The following BPTF variants were observed in gnomAD, a reference collection of about 807,000 sequenced individuals.
BPTF encodes the protein bromodomain PHD finger transcription factor, also known as nucleosome-remodeling factor subunit BPTF.
Under a neutral mutation model 292.5 loss-of-function variants are expected in BPTF, and 18 were observed. The observed-to-expected ratio is 0.06, with a 90% confidence interval of 0.04 to 0.09. The LOEUF is 0.09. BPTF is among the 10% of genes least tolerant of loss of function. The pLI is 1.00. For synonymous variants in BPTF, 1,225 were observed against 1,251.9 expected, an observed-to-expected ratio of 0.98 and a Z score of 0.45; for missense variants, 2,726 against 3,498.7, an observed-to-expected ratio of 0.78 and a Z score of 5.57.
chr17:67,978,633 G>T (rs1320408995), intron 27 of BPTF, among the ~76,000 whole-genome samples: 1 of 152,068 alleles, frequency 6.6e-6, no homozygotes, highest in Non-Finnish European at 1.5e-5. Flanking sequence ...AAAACAAGTG[G>T]TTCAGGAAAG....
intron 4 of BPTF, among the ~76,000 whole-genome samples, chr17:67,876,771 A>C (rs2145795907): frequency 6.6e-6 from 1 of 152,256 alleles, no homozygotes; most frequent in Non-Finnish European, 1.5e-5. Context: ...GTATCACTGC[A>C]CTCCAGCCTG....
intron 1 of BPTF, among the ~76,000 whole-genome samples, chr17:67,832,269 C>T (rs1180863574): frequency 6.6e-6 from 1 of 150,804 alleles, no homozygotes; most frequent in Non-Finnish European, 1.5e-5. Context: ...AAAAAAAAAC[C>T]ACTTATACAT....
intron 21 of BPTF, among the ~76,000 whole-genome samples, chr17:67,947,124 A>C (rs574111730): frequency 6.6e-6 from 1 of 152,218 alleles, no homozygotes; most frequent in African/African-American, 2.4e-5. Flanking sequence ...GATTATTGCA[A>C]TGATTAAATG....
chr17:67,840,490 T>G (rs371766058), intron 1 of BPTF, among the ~76,000 whole-genome samples: 2 of 126,846 alleles, frequency 1.6e-5, no homozygotes, highest in African/African-American at 1.1e-4. Context: ...CTGCTGCTCC[T>G]CCGCCTCCTC....
chr17:67,979,165 GTC>G lies in BPTF; in HGVS notation c.8727-3084_8727-3083del, dbSNP rs1485812101. On this transcript the variant is annotated intron_variant, in intron 27 of 27. Transcript: ENST00000306378. ...AGCCTGGAAGACACAACAAGACCCTGTCTCAAAAAAAAAAAAAAAAAAAAAGG... is the reference window on the plus strand; with the variant it reads ...AGCCTGGAAGACACAACAAGACCCTGTCAAAAAAAAAAAAAAAAAAAAAGG... Among the ~76,000 whole-genome samples, 35 of 43,374 alleles carry G rather than the reference GTC, an allele frequency of 8.1e-4. 1 individual carries two copies. Among genetic ancestry groups the G allele is most frequent in the African/African-American group, 3.7e-3 (27 of 7,378 alleles). The allele number at this position is 43,374 out of a possible 152,430, so 28.5% of individuals were successfully genotyped here.
chr17:67,915,495 A>T (rs147869065), intron 11 of BPTF, among the ~76,000 whole-genome samples: 76 of 152,192 alleles, frequency 5.0e-4, no homozygotes, highest in Non-Finnish European at 9.4e-4. Flanking sequence ...CTCTTCTTTA[A>T]TCTTTTATTT....
intron 27 of BPTF, 62 bp downstream of exon 27, chr17:67,976,020 G>T: frequency 7.5e-7 from 1 of 1,332,468 alleles, no homozygotes. Context: ...ATACTATTCT[G>T]TCTAACGATT....
At chr17:67,843,075 G>GAT (rs1166792368) in intron 1 of BPTF, among the ~76,000 whole-genome samples, 1 of 150,054 alleles carries the variant, frequency 6.7e-6, no homozygotes, top group Non-Finnish European at 1.5e-5. Context: ...AATGTATGTA[G>GAT]ATATATATGT....
chr17:67,844,393 G>A (rs1454293434), intron 1 of BPTF, among the ~76,000 whole-genome samples: 4 of 150,832 alleles, frequency 2.7e-5, no homozygotes, highest in South Asian at 4.2e-4. Flanking sequence ...GACTACAGGC[G>A]CCCGCCACCA....
chr17:67,870,056 C>T (rs1223697648), intron 3 of BPTF, among the ~76,000 whole-genome samples: 1 of 136,326 alleles, frequency 7.3e-6, no homozygotes, highest in African/African-American at 2.7e-5. Flanking sequence ...TAATGGGGAA[C>T]AACAAAGAGA....
chr17:67,858,284 T>C (rs1294706343), intron 2 of BPTF, among the ~76,000 whole-genome samples: 2 of 152,250 alleles, frequency 1.3e-5, no homozygotes, highest in Non-Finnish European at 2.9e-5. Flanking sequence ...CTCCCTTACC[T>C]CCCAAACATC....
chr17:67,872,001 T>C (rs2059771171), intron 3 of BPTF, among the ~76,000 whole-genome samples: 1 of 152,072 alleles, frequency 6.6e-6, no homozygotes, highest in Admixed American at 6.5e-5. Context: ...AATTTTTGTA[T>C]TTTAGGTAGA....
At chr17:67,951,179 G>C (rs2066320440) in intron 23 of BPTF, 1 of 152,170 alleles carries the variant, frequency 6.6e-6, no homozygotes, top group Admixed American at 6.6e-5. Flanking sequence ...TTGGTGGTCA[G>C]CTTAACCTTC....
At chr17:67,887,705 G>C (rs537789720) in intron 4 of BPTF, among the ~76,000 whole-genome samples, 1 of 152,124 alleles carries the variant, frequency 6.6e-6, no homozygotes, top group African/African-American at 2.4e-5. Flanking sequence ...TGGGAAGTCC[G>C]AGCCATCATC....
intron 7 of BPTF, among the ~76,000 whole-genome samples, chr17:67,901,670 TTC>T (rs1393520732): frequency 6.6e-6 from 1 of 152,222 alleles, no homozygotes; most frequent in Non-Finnish European, 1.5e-5. Flanking sequence ...AAATGATTAC[TTC>T]TCTCATAATT....
rs555007946 is a variant in BPTF, at chr17:67,975,995, C to T, written c.8726+37C>T. On this transcript the variant is annotated intron_variant, in intron 27 of 27. Transcript: ENST00000306378. The stretch of plus-strand genomic sequence containing the variant: ...GGTTCGGTATTCTGAATTAATTCAA[C>T]TCTTCACACTCTTTATACTATTCTG... 39 of 1,503,392 alleles carry T rather than the reference C, an allele frequency of 2.6e-5. 1 individual carries two copies. The South Asian group carries it at 4.1e-4, about 16-fold the overall frequency. The allele number at this position is 1,503,392 out of a possible 1,614,324, so 93.1% of individuals were successfully genotyped here. A position where few individuals can be genotyped will look rare whatever the true frequency, so the allele number is the denominator to read the frequency against.
chr17:67,976,000 C>T (rs781958213), intron 27 of BPTF, 42 bp downstream of exon 27: 2 of 1,500,688 alleles, frequency 1.3e-6, no homozygotes, highest in East Asian at 4.5e-5. Flanking sequence ...TTCAACTCTT[C>T]ACACTCTTTA....
At chr17:67,909,043 C>G (rs2062452888) in intron 9 of BPTF, among the ~76,000 whole-genome samples, 1 of 151,322 alleles carries the variant, frequency 6.6e-6, no homozygotes, top group African/African-American at 2.4e-5. Context: ...CCATGTTAGC[C>G]AGGCTGGTCT....
intron 23 of BPTF, among the ~76,000 whole-genome samples, chr17:67,949,990 G>T (rs1445017143): frequency 3.7e-5 from 5 of 134,506 alleles, no homozygotes; most frequent in Admixed American, 1.8e-4. Flanking sequence ...GAAGGTGGAG[G>T]TTGCAGTGAG....
Sources: gnomAD v4.1 joint callset for allele counts (sites outside exome capture counted in the v4.1 genomes callset) on GRCh38, gnomAD v4.1.1 for gene constraint, MANE v1.5 for transcripts, NCBI Gene and HGNC (gene_info 2026-07-23, HGNC 2026-07-21) for gene names.